The following GRIP1 variants were observed in gnomAD, a reference collection of about 807,000 sequenced individuals.
GRIP1 encodes the protein glutamate receptor interacting protein 1, also known as glutamate receptor-interacting protein 1.
Under a neutral mutation model 129.9 loss-of-function variants are expected in GRIP1, and 45 were observed. The ratio of observed to expected loss-of-function variants is 0.35; its 90% CI spans 0.27 to 0.44. The LOEUF is 0.44. Ranked by LOEUF, GRIP1 falls within the 20% of genes least tolerant of loss-of-function variation. The probability of loss-of-function intolerance (pLI) is 1.00; values close to 1 mark genes in which losing one functional copy is unlikely to be tolerated. For missense variants in GRIP1, 1,196 were observed against 1,396.8 expected (o/e 0.86, Z 2.29); for synonymous variants, 530 against 520.8 (o/e 1.02, Z -0.24).
chr12:66,409,328 TGAGA>T (rs942118545), intron 15 of GRIP1, among the ~76,000 whole-genome samples: 1 of 152,142 alleles, frequency 6.6e-6, no homozygotes, highest in Non-Finnish European at 1.5e-5. Context: ...AGCTCAGCAC[TGAGA>T]GAGAGACTAT....
chr12:66,707,754 C>T (rs1372988028), intron 1 of GRIP1, among the ~76,000 whole-genome samples: 4 of 151,862 alleles, frequency 2.6e-5, no homozygotes, highest in African/African-American at 9.7e-5. Flanking sequence ...ATTTTCAATG[C>T]CCTGTAATGC....
chr12:66,663,059 C>T (rs1044293835), intron 1 of GRIP1, among the ~76,000 whole-genome samples: 2 of 152,080 alleles, frequency 1.3e-5, no homozygotes, highest in African/African-American at 4.8e-5. Flanking sequence ...TATAGCATCC[C>T]CTTTCTCATT....
At chr12:66,861,279 T>C (rs753622888) in intron 1 of GRIP1, among the ~76,000 whole-genome samples, 1 of 152,146 alleles carries the variant, frequency 6.6e-6, no homozygotes, top group Admixed American at 6.6e-5. Flanking sequence ...TAAATATACA[T>C]GCCAGAAATG....
At chr12:66,859,273 AAACAAAAAAACAAAAAAACAAAAAAAC>A (rs1566054552) in intron 1 of GRIP1, among the ~76,000 whole-genome samples, 4,924 of 44,386 alleles carry the variant, frequency 0.11, 566 homozygotes, top group African/African-American at 0.13. Flanking sequence ...AAAAACAAAA[AAACAAAAAAACAAAAAAACAAAAAAAC>A]AAAAAAAAAC....
In GRIP1 at chr12:66,440,833, C is replaced by T. The variant is rs540375994; in HGVS notation, c.1687+3751G>A. On this transcript the variant is annotated intron_variant, in intron 13 of 24. Transcript: ENST00000359742. ...TCTACAGCTAAATTTCTTGACCTCA[C>T]CAAATGTCCCCTGGGGCAAAATTGA... 3.3e-5 allele frequency among the ~76,000 whole-genome samples: 5 copies of T among 152,272 alleles called. No individual in the cohort carries two copies. The South Asian group carries it at 1.0e-3, about 32-fold the overall frequency.
At chr12:66,577,347 G>A (rs1483090555) in intron 2 of GRIP1, among the ~76,000 whole-genome samples, 1 of 152,194 alleles carries the variant, frequency 6.6e-6, no homozygotes, top group African/African-American at 2.4e-5. Context: ...TAAGTTTCCT[G>A]TGTCTAAAAA....
intron 19 of GRIP1, among the ~76,000 whole-genome samples, chr12:66,388,055 TTAAAAG>T (rs1394725469): frequency 2.0e-5 from 3 of 150,904 alleles, no homozygotes; most frequent in African/African-American, 7.3e-5. Flanking sequence ...AAGAGTAAAA[TTAAAAG>T]TAAAATTGTA....
At chr12:66,702,880 A>G (rs1339612423) in intron 1 of GRIP1, among the ~76,000 whole-genome samples, 1 of 152,204 alleles carries the variant, frequency 6.6e-6, no homozygotes, top group Non-Finnish European at 1.5e-5. Context: ...ATTATTTTAG[A>G]CAATACTTGT....
intron 2 of GRIP1, among the ~76,000 whole-genome samples, chr12:66,571,727 T>C (rs1010408348): frequency 6.6e-6 from 1 of 152,200 alleles, no homozygotes; most frequent in Non-Finnish European, 1.5e-5. Flanking sequence ...CAGAAGCAAT[T>C]AACACCTTAA....
rs541731527 is a variant in GRIP1 at position 66,626,066 on chromosome 12, T to C, written c.56-29139A>G. The stretch of plus-strand genomic sequence containing the variant: ...TCAGTCTCAAAAACACAAAACAGTT[T>C]ATTTATCTTTCACTTTGGGAGGCCG... On this transcript the variant is annotated intron_variant, in intron 1 of 24. Coordinates refer to ENST00000359742, the MANE Select transcript of GRIP1 (RefSeq NM_001366722.1). 6.6e-5 allele frequency among the ~76,000 whole-genome samples: 10 copies of C among 152,228 alleles called. No individual in the cohort carries two copies. The East Asian group carries it at 1.9e-3, about 29-fold the overall frequency.
At chr12:66,438,518 T>C (rs1472059715) in intron 13 of GRIP1, among the ~76,000 whole-genome samples, 1 of 151,596 alleles carries the variant, frequency 6.6e-6, no homozygotes, top group Non-Finnish European at 1.5e-5. Flanking sequence ...GACGGAGTTT[T>C]TTTTTTTTGC....
chr12:66,845,577 C>A (rs903341177), intron 1 of GRIP1, among the ~76,000 whole-genome samples: 7 of 152,142 alleles, frequency 4.6e-5, no homozygotes, highest in Admixed American at 4.6e-4. Flanking sequence ...CCCAAGAAAA[C>A]TGTAATTTTT....
At chr12:66,351,766 G>GCTTTGAGGCTTTGAAGTTAGGCTTT (rs2054237117) in intron 24 of GRIP1, among the ~76,000 whole-genome samples, 1 of 152,134 alleles carries the variant, frequency 6.6e-6, no homozygotes, top group Non-Finnish European at 1.5e-5. Flanking sequence ...GCTTTGAAGG[G>GCTTTGAGGCTTTGAAGTTAGGCTTT]GAGTCCTCTA....
At chr12:67,026,063 G>A (rs1416443881) in intron 1 of GRIP1, among the ~76,000 whole-genome samples, 1 of 151,962 alleles carries the variant, frequency 6.6e-6, no homozygotes, top group Non-Finnish European at 1.5e-5. Context: ...ACTCCCTGTC[G>A]GGGCTGCTTC....
At chr12:67,001,471 C>G (rs1390385462) in intron 1 of GRIP1, among the ~76,000 whole-genome samples, 1 of 152,156 alleles carries the variant, frequency 6.6e-6, no homozygotes, top group African/African-American at 2.4e-5. Context: ...GACCAGAGGT[C>G]ACAAGCTGAC....
intron 1 of GRIP1, among the ~76,000 whole-genome samples, chr12:66,833,895 C>T (rs930454176): frequency 3.3e-5 from 5 of 152,114 alleles, no homozygotes; most frequent in Admixed American, 2.6e-4. Context: ...GTTGGCCAGG[C>T]ACTGTGGCTC....
intron 1 of GRIP1, among the ~76,000 whole-genome samples, chr12:66,838,691 G>A (rs2039661437): frequency 6.6e-6 from 1 of 152,194 alleles, no homozygotes; most frequent in African/African-American, 2.4e-5. Flanking sequence ...CTTTGATTTG[G>A]ACTGATAAAA....
At chr12:66,433,107 TG>T (rs2058199040) in intron 13 of GRIP1, among the ~76,000 whole-genome samples, 1 of 152,116 alleles carries the variant, frequency 6.6e-6, no homozygotes, top group South Asian at 2.1e-4. Context: ...TCCTATTTAT[TG>T]TTTGAAGGTA....
intron 1 of GRIP1, among the ~76,000 whole-genome samples, chr12:66,999,034 G>T (rs896595747): frequency 6.6e-6 from 1 of 151,992 alleles, no homozygotes; most frequent in Non-Finnish European, 1.5e-5. Flanking sequence ...CCCATCAAAA[G>T]CTGCCCACAC....
Sources: gnomAD v4.1 joint callset for allele counts (sites outside exome capture counted in the v4.1 genomes callset) on GRCh38, gnomAD v4.1.1 for gene constraint, MANE v1.5 for transcripts, NCBI Gene and HGNC (gene_info 2026-07-23, HGNC 2026-07-21) for gene names.